The following ATP8A1 variants were observed in gnomAD, a reference collection of about 807,000 sequenced individuals.
The protein encoded by ATP8A1 is phospholipid-transporting ATPase IA.
In ATP8A1, 90 loss-of-function variants were observed where a neutral mutation model predicts 177.7. The observed-to-expected ratio is 0.51, with a 90% CI of 0.43 to 0.60. The LOEUF (loss-of-function observed/expected upper bound fraction) is 0.60, where lower values mean the gene tolerates loss of function less well. ATP8A1 is among the 20% of genes least tolerant of loss of function. The pLI, the probability that ATP8A1 is intolerant of heterozygous loss-of-function variation, is 0.00. For synonymous variants in ATP8A1, 493 were observed against 485.9 expected (o/e 1.01, Z -0.19); for missense variants, 1,072 against 1,392.8 (o/e 0.77, Z 3.67).
chr4:42,538,105 AT>A (rs1728025954), intron 20 of ATP8A1, among the ~76,000 whole-genome samples: 1 of 152,208 alleles, frequency 6.6e-6, no homozygotes, highest in Admixed American at 6.5e-5. Flanking sequence ...GAACCCAGTA[AT>A]AAAGTCAAAT....
At chr4:42,457,730 C>T (rs1421012877) in intron 27 of ATP8A1, among the ~76,000 whole-genome samples, 1 of 152,128 alleles carries the variant, frequency 6.6e-6, no homozygotes, top group East Asian at 1.9e-4. Context: ...GATTCAAAGG[C>T]TACTACGAGC....
intron 20 of ATP8A1, among the ~76,000 whole-genome samples, chr4:42,539,956 T>C (rs1292638194): frequency 6.6e-6 from 1 of 152,054 alleles, no homozygotes; most frequent in African/African-American, 2.4e-5. Flanking sequence ...AATGGGATTA[T>C]ATTAAACTAA....
chr4:42,494,846 C>T lies in ATP8A1; in HGVS notation c.2151+8604G>A, dbSNP rs116066826. 8.0e-3 allele frequency among the ~76,000 whole-genome samples: 1,214 copies of T among 152,270 alleles called. 16 individuals carry two copies. Among genetic ancestry groups the T allele is most frequent in the African/African-American group, 0.027 (1,134 of 41,544 alleles). On this transcript the variant is annotated intron_variant, in intron 24 of 36. Coordinates refer to ENST00000381668, the MANE Select transcript of ATP8A1 (RefSeq NM_006095.2). ...GGTTTAAAATAATTAATTATAAAGACGACACCCAGGGTTTGTTTTGCTGAC... is the reference window on the plus strand; with the variant it reads ...GGTTTAAAATAATTAATTATAAAGATGACACCCAGGGTTTGTTTTGCTGAC...
In ATP8A1 at chr4:42,646,272, C is replaced by G. The variant is rs115164064; in HGVS notation, c.49+10553G>C. 4.0e-3 allele frequency among the ~76,000 whole-genome samples: 608 copies of G among 152,338 alleles called. 8 individuals carry two copies. Among genetic ancestry groups the G allele is most frequent in the African/African-American group, 0.014 (563 of 41,584 alleles). On this transcript the variant is annotated intron_variant, in intron 1 of 36. Transcript: ENST00000381668. ...CCTGCCAAGAGCAAGGCAGGCCCCC[C>G]CATCCTGGAGCTCTATAAGCTGCTG...
intron 25 of ATP8A1, among the ~76,000 whole-genome samples, chr4:42,465,359 C>T (rs936543918): frequency 2.6e-5 from 4 of 152,178 alleles, no homozygotes; most frequent in African/African-American, 7.2e-5. Flanking sequence ...GCCTTTACTT[C>T]CTAACAAACA....
intron 25 of ATP8A1, among the ~76,000 whole-genome samples, chr4:42,484,649 T>C (rs1419637768): frequency 6.6e-6 from 1 of 152,090 alleles, no homozygotes; most frequent in Non-Finnish European, 1.5e-5. Context: ...TAAAAGCACA[T>C]AGAATAGTTT....
At chr4:42,635,810 T>TATATATATATATATATATATATATAC (rs1305090729) in intron 1 of ATP8A1, among the ~76,000 whole-genome samples, 17 of 103,884 alleles carry the variant, frequency 1.6e-4, no homozygotes, top group Middle Eastern at 5.0e-3. Flanking sequence ...TATATATATA[T>TATATATATATATATATATATATATAC]ACACATGTAT....
At chr4:42,414,855 A>T in intron 35 of ATP8A1, 137 bp from the exon 36 acceptor site, 1 of 668,964 alleles carries the variant, frequency 1.5e-6, no homozygotes, top group Non-Finnish European at 2.6e-6. Flanking sequence ...TTCTTTTTAC[A>T]CATTTTCTCA....
rs1336613220 is a variant in ATP8A1, at chr4:42,508,524, A to C, written c.1948-1370T>G. Among the ~76,000 whole-genome samples the C allele has an allele frequency of 2.6e-5, 4 of 152,372 alleles. No homozygotes were observed. In the East Asian group the frequency reaches 7.7e-4, roughly 29 times the overall value. ...AGAACAATCTCTTGGCTGTTAGGGA[A>C]ACCTGGTTTGCCAAATGGACACAGA... On this transcript the variant is annotated intron_variant, in intron 22 of 36. Coordinates refer to ENST00000381668, the MANE Select transcript of ATP8A1 (RefSeq NM_006095.2).
At chr4:42,521,044 G>T (rs1726074840) in intron 22 of ATP8A1, among the ~76,000 whole-genome samples, 1 of 152,130 alleles carries the variant, frequency 6.6e-6, no homozygotes, top group South Asian at 2.1e-4. Context: ...GGTACTGGTG[G>T]CACCAGCCAC....
intron 24 of ATP8A1, among the ~76,000 whole-genome samples, chr4:42,497,361 T>C (rs1164997375): frequency 6.6e-6 from 1 of 152,166 alleles, no homozygotes; most frequent in African/African-American, 2.4e-5. Context: ...TCAGAAGGTA[T>C]TGGTGGCAGA....
In ATP8A1 at chr4:42,555,098, T is replaced by G. The variant is rs545062813; in HGVS notation, c.1413+870A>C. Among the ~76,000 whole-genome samples, 15 of 81,070 alleles carry G rather than the reference T, an allele frequency of 1.9e-4. No homozygotes were observed. The South Asian group carries it at 4.5e-3, about 24-fold the overall frequency. 53.2% of individuals were successfully genotyped at this position (81,070 alleles called of 152,430 possible). The stretch of plus-strand genomic sequence containing the variant: ...CCCTTTGTGTGTGTATCTATCTATC[T>G]ATCTATCTATCTATCTATCTATCTA... On this transcript the variant is annotated intron_variant, in intron 16 of 36. Coordinates refer to ENST00000381668, the MANE Select transcript of ATP8A1 (RefSeq NM_006095.2).
chr4:42,461,138 A>C (rs1482470954), intron 27 of ATP8A1, among the ~76,000 whole-genome samples: 1 of 152,172 alleles, frequency 6.6e-6, no homozygotes, highest in African/African-American at 2.4e-5. Flanking sequence ...ACTTAGGATG[A>C]AGGATGTAAA....
At chr4:42,445,395 T>C (rs112695859) in intron 31 of ATP8A1, among the ~76,000 whole-genome samples, 1 of 152,340 alleles carries the variant, frequency 6.6e-6, no homozygotes, top group East Asian at 1.9e-4. Flanking sequence ...TTACCAATCT[T>C]ACAGAGATTT....
intron 25 of ATP8A1, among the ~76,000 whole-genome samples, chr4:42,473,634 T>A (rs1243588411): frequency 6.6e-6 from 1 of 151,984 alleles, no homozygotes; most frequent in Non-Finnish European, 1.5e-5. Context: ...TTTTTTTATT[T>A]ATTTAATTAA....
chr4:42,606,114 A>C (rs376797596), intron 5 of ATP8A1, among the ~76,000 whole-genome samples: 3 of 152,314 alleles, frequency 2.0e-5, no homozygotes, highest in East Asian at 3.9e-4. Flanking sequence ...AATAGCAGAG[A>C]TATTTAACTC....
At chr4:42,462,665 T>C (rs573779894) in intron 27 of ATP8A1, among the ~76,000 whole-genome samples, 170 of 152,142 alleles carry the variant, frequency 1.1e-3, no homozygotes, top group African/African-American at 3.8e-3. Flanking sequence ...CCACACAGAG[T>C]TCCCCCTGGG....
At chr4:42,586,556 C>T (rs1276240095) in intron 8 of ATP8A1, 80 bp from the exon 9 acceptor site, 11 of 1,365,368 alleles carry the variant, frequency 8.1e-6, no homozygotes, top group Admixed American at 4.0e-5. Context: ...TGAATTCATC[C>T]AAGTCTTAAG....
At chr4:42,618,459 A>G (rs1737130537) in intron 4 of ATP8A1, among the ~76,000 whole-genome samples, 1 of 152,162 alleles carries the variant, frequency 6.6e-6, no homozygotes, top group African/African-American at 2.4e-5. Context: ...AGGCATCTCA[A>G]ACTGTTCACA....
Sources: gnomAD v4.1 joint callset for allele counts (sites outside exome capture counted in the v4.1 genomes callset) on GRCh38, gnomAD v4.1.1 for gene constraint, MANE v1.5 for transcripts, NCBI Gene and HGNC (gene_info 2026-07-23, HGNC 2026-07-21) for gene names.